RBFOX3: variants seen among roughly 807,000 people sequenced by gnomAD.
RBFOX3 encodes RNA binding fox-1 homolog 3.
Under a neutral mutation model 48.7 loss-of-function variants are expected in RBFOX3, and 17 were observed. The ratio of observed to expected loss-of-function variants is 0.35; its 90% CI spans 0.24 to 0.52. The LOEUF (loss-of-function observed/expected upper bound fraction) is 0.52, where lower values mean the gene tolerates loss of function less well. Among genes scored for constraint, RBFOX3 ranks in the 20% least tolerant of loss-of-function variants. The probability of loss-of-function intolerance (pLI) is 0.94; values close to 1 mark genes in which losing one functional copy is unlikely to be tolerated. For missense variants in RBFOX3, 382 were observed against 497.5 expected, an observed-to-expected ratio of 0.77 and a Z score of 2.21; for synonymous variants, 212 against 209.5, an observed-to-expected ratio of 1.01 and a Z score of -0.10.
At chr17:79,326,340 G>A (rs1048807654) in intron 2 of RBFOX3, among the ~76,000 whole-genome samples, 2 of 152,140 alleles carry the variant, frequency 1.3e-5, no homozygotes, top group Non-Finnish European at 2.9e-5. Flanking sequence ...GGATCTAGTT[G>A]AGATTTACTG....
chr17:79,481,013 G>A lies in RBFOX3; in HGVS notation c.-175+1441C>T, dbSNP rs373081661. Reference sequence around the variant, plus strand: ...AGGGCAGTCTGGATGGATGAGCTACGGCAAGAAGACCCCAAGGAGCCCTGG... The same window carrying A: ...AGGGCAGTCTGGATGGATGAGCTACAGCAAGAAGACCCCAAGGAGCCCTGG... On this transcript the variant is annotated intron_variant, in intron 2 of 14. Transcript: ENST00000693108. This position sits in a 1 kb window ranked among gnomAD's most constrained non-coding sequence, Gnocchi z 5.4. 6.1e-4 allele frequency among the ~76,000 whole-genome samples: 93 copies of A among 152,216 alleles called. No homozygotes were observed. In the South Asian group the frequency reaches 8.7e-3, roughly 14 times the overall value.
At chr17:79,393,935 T>C (rs115434614) in intron 2 of RBFOX3, among the ~76,000 whole-genome samples, 1 of 110,110 alleles carries the variant, frequency 9.1e-6, no homozygotes, top group African/African-American at 3.1e-5. Context: ...GAGCCGGTCA[T>C]CATACACATC....
At chr17:79,193,599 A>T (rs894328330) in intron 4 of RBFOX3, among the ~76,000 whole-genome samples, 4 of 152,226 alleles carry the variant, frequency 2.6e-5, no homozygotes, top group African/African-American at 9.6e-5. Context: ...TGCAGTGGTT[A>T]AAAATTAACA....
chr17:79,511,581 C>A (rs923908092), intron 1 of RBFOX3, among the ~76,000 whole-genome samples: 1 of 152,126 alleles, frequency 6.6e-6, no homozygotes, highest in South Asian at 2.1e-4. Context: ...TGCAGTGAAC[C>A]GTGATGTCAG....
chr17:79,426,573 A>G (rs1401775714), intron 2 of RBFOX3, among the ~76,000 whole-genome samples: 1 of 152,168 alleles, frequency 6.6e-6, no homozygotes, highest in Non-Finnish European at 1.5e-5. Flanking sequence ...GAACTGATGA[A>G]GCCTCGGTGT....
intron 2 of RBFOX3, among the ~76,000 whole-genome samples, chr17:79,426,299 C>T (rs909381401): frequency 1.7e-4 from 26 of 152,114 alleles, no homozygotes; most frequent in African/African-American, 6.0e-4. Context: ...GGATGGCTGT[C>T]GCAGGTGCTG....
chr17:79,502,239 T>C (rs2082481598), intron 1 of RBFOX3, among the ~76,000 whole-genome samples: 1 of 152,164 alleles, frequency 6.6e-6, no homozygotes, highest in Non-Finnish European at 1.5e-5. Context: ...TTGAAAACAT[T>C]AGGCTAAATG....
intron 2 of RBFOX3, among the ~76,000 whole-genome samples, chr17:79,426,074 C>T (rs1338291250): frequency 6.6e-6 from 1 of 152,000 alleles, no homozygotes; most frequent in Non-Finnish European, 1.5e-5. Flanking sequence ...GGAGACACAG[C>T]CCACAAGCAG....
rs1272334193 is a variant in RBFOX3, at chr17:79,463,718, G to A, written c.-175+18736C>T. Among the ~76,000 whole-genome samples the A allele has an allele frequency of 1.4e-3, 159 of 114,606 alleles. 2 individuals carry two copies. Among genetic ancestry groups the A allele is most frequent in the Middle Eastern group, 6.2e-3 (1 of 162 alleles). The allele number at this position is 114,606 out of a possible 152,430, so 75.2% of individuals were successfully genotyped here. A position where few individuals can be genotyped will look rare whatever the true frequency, so the allele number is the denominator to read the frequency against. On this transcript the variant is annotated intron_variant, in intron 2 of 14. Transcript: ENST00000693108. The stretch of plus-strand genomic sequence containing the variant: ...TGCCATCACCACTGCCACCTCCACC[G>A]CCACTGCCACCTCCACCGCCATCAC...
At chr17:79,589,438 G>A (rs1391012102) in intron 1 of RBFOX3, among the ~76,000 whole-genome samples, 2 of 152,128 alleles carry the variant, frequency 1.3e-5, no homozygotes, top group African/African-American at 4.8e-5. Context: ...CTTCAGATAA[G>A]GACACCAGTC....
chr17:79,651,604 C>T, the RBFOX3 span, among the ~76,000 whole-genome samples: 1 of 149,620 alleles, frequency 6.7e-6, no homozygotes, highest in Non-Finnish European at 1.5e-5. Flanking sequence ...TCCCTTTCTC[C>T]TTTTCTCTCT....
intron 5 of RBFOX3, among the ~76,000 whole-genome samples, chr17:79,110,427 G>A (rs1187555942): frequency 6.6e-6 from 1 of 152,188 alleles, no homozygotes; most frequent in Non-Finnish European, 1.5e-5. Context: ...CCCCAGGCAG[G>A]GTCTGGTAGA....
intron 2 of RBFOX3, among the ~76,000 whole-genome samples, chr17:79,415,899 A>G (rs776009462): frequency 6.6e-5 from 10 of 152,056 alleles, no homozygotes; most frequent in Non-Finnish European, 1.0e-4. Context: ...GGGAGCCCAC[A>G]CACTGGAGCA....
chr17:79,170,127 G>C (rs945771018), intron 4 of RBFOX3, among the ~76,000 whole-genome samples: 28 of 148,120 alleles, frequency 1.9e-4, no homozygotes, highest in Non-Finnish European at 1.8e-4. Flanking sequence ...AGGAAGGAAG[G>C]AAGGAGGAAG....
chr17:79,333,142 C>T (rs1440604375), intron 2 of RBFOX3, among the ~76,000 whole-genome samples: 11 of 151,952 alleles, frequency 7.2e-5, no homozygotes, highest in Non-Finnish European at 1.5e-4. Context: ...GAGGACAGGC[C>T]AGGGGAGACC....
chr17:79,417,230 C>T (rs1598603321), intron 2 of RBFOX3, among the ~76,000 whole-genome samples: 1 of 152,178 alleles, frequency 6.6e-6, no homozygotes, highest in Non-Finnish European at 1.5e-5. Flanking sequence ...TCCTTGCTCC[C>T]CGTAAGAGTC....
rs576183047 is a variant in RBFOX3 at position 79,177,210 on chromosome 17, C to A, written c.-34+58556G>T. Among the ~76,000 whole-genome samples the A allele has an allele frequency of 3.5e-3, 373 of 106,184 alleles. 2 individuals carry two copies. The highest frequency in any genetic ancestry group is 3.9e-3 in the Non-Finnish European group (236 of 59,878). The allele number at this position is 106,184 out of a possible 152,430, so 69.7% of individuals were successfully genotyped here. A position where few individuals can be genotyped will look rare whatever the true frequency, so the allele number is the denominator to read the frequency against. ...AAGGCCACCACTGGCCTCCTCCTCTCCCCCCCCGCCCTCTCCCCAGCCTTG... is the reference window on the plus strand; with the variant it reads ...AAGGCCACCACTGGCCTCCTCCTCTACCCCCCCGCCCTCTCCCCAGCCTTG... On this transcript the variant is annotated intron_variant, in intron 4 of 14. Coordinates refer to ENST00000693108, the MANE Select transcript of RBFOX3 (RefSeq NM_001350451.2).
intron 1 of RBFOX3, among the ~76,000 whole-genome samples, chr17:79,509,128 G>A (rs925947172): frequency 5.3e-5 from 8 of 151,832 alleles, no homozygotes; most frequent in South Asian, 4.2e-4. Flanking sequence ...CCAGGGCCCC[G>A]GCCCTGGGGT....
intron 4 of RBFOX3, among the ~76,000 whole-genome samples, chr17:79,192,809 C>A (rs1475091891): frequency 6.6e-6 from 1 of 152,218 alleles, no homozygotes; most frequent in Non-Finnish European, 1.5e-5. Flanking sequence ...GCTAGCCCTG[C>A]TGATGGCCAC....
Sources: allele counts gnomAD v4.1 joint callset (sites outside exome capture counted in the v4.1 genomes callset), GRCh38; gene constraint gnomAD v4.1.1; non-coding constraint Gnocchi (gnomAD v3.1); transcripts MANE v1.5; gene names NCBI Gene and HGNC (gene_info 2026-07-23, HGNC 2026-07-21).